Variants in GCN1 observed in about 807,000 individuals in gnomAD.
The protein encoded by GCN1 is stalled ribosome sensor GCN1.
Under a neutral mutation model 288.4 loss-of-function variants are expected in GCN1, and 90 were observed. The ratio of observed to expected loss-of-function variants is 0.31; its 90% CI spans 0.26 to 0.37. GCN1 has a LOEUF of 0.37. GCN1 is among the 10% of genes least tolerant of loss of function. The pLI is 1.00. For missense variants in GCN1, 2,586 were observed against 3,419.9 expected, an observed-to-expected ratio of 0.76 and a Z score of 6.08; for synonymous variants, 1,386 against 1,420.2, an observed-to-expected ratio of 0.98 and a Z score of 0.54.
chr12:120,132,093 G>C (rs1336188714), intron 53 of GCN1, 71 bp from the exon 54 acceptor site: 1 of 976,218 alleles, frequency 1.0e-6, no homozygotes, highest in East Asian at 2.6e-5. Flanking sequence ...AAGGCAGGCA[G>C]CTCTAGAGCC....
In GCN1 at chr12:120,138,037, G is replaced by A. The variant is rs765555193; in HGVS notation, c.6257C>T (p.Thr2086Met). The A allele has an allele frequency of 2.8e-5, 45 of 1,612,132 alleles. No individual in the cohort carries two copies. The highest frequency in any genetic ancestry group is 2.1e-4 in the African/African-American group (16 of 74,880). ...CAGCACCCGGGTGTTGACAGGTGGC[G>A]TTGTCAGCTGGTGGAATGACAAACA... Reference protein sequence around the residue: ...VLPYLVPKLTTPPVNTRVLAF... With the variant: ...VLPYLVPKLTMPPVNTRVLAF... The change falls in exon 48 of 58, where the codon ACG (threonine) becomes ATG (methionine). Residue 2086 changes from threonine to methionine, a missense_variant. Thr to Met is a moderately conservative substitution (Grantham distance 81, BLOSUM62 -1). Transcript: ENST00000300648.
intron 53 of GCN1, among the ~76,000 whole-genome samples, chr12:120,133,837 A>C (rs1876909398): frequency 6.6e-6 from 1 of 152,164 alleles, no homozygotes; most frequent in South Asian, 2.1e-4. Flanking sequence ...TCGGAGCCCG[A>C]GGCGGGTGGA....
intron 5 of GCN1, among the ~76,000 whole-genome samples, chr12:120,182,032 A>ATAAC (rs938533672): frequency 6.6e-6 from 1 of 151,064 alleles, no homozygotes; most frequent in African/African-American, 2.4e-5. Context: ...ATATAGTCCC[A>ATAAC]GTTATACTCA....
chr12:120,177,884 G>A (rs1288866192), intron 7 of GCN1, 132 bp from the exon 8 acceptor site: 1 of 725,464 alleles, frequency 1.4e-6, no homozygotes, highest in South Asian at 1.5e-5. Flanking sequence ...TAAGCATAGA[G>A]GTCCCACTGA....
chr12:120,137,347 G>T lies in GCN1; in HGVS notation c.6664-28C>A. 6.4e-7 allele frequency: 1 copy of T among 1,570,390 alleles called. No homozygotes were observed. ...GCAGGAATCCAGGAAAAAGCGAGAG[G>T]ATGTACAGCCCTCTCAAGACTGCTT... On this transcript the variant is annotated intron_variant, in intron 49 of 57. Transcript: ENST00000300648. This position sits in a 1 kb window ranked among gnomAD's most constrained non-coding sequence, Gnocchi z 5.2.
intron 2 of GCN1, among the ~76,000 whole-genome samples, chr12:120,187,068 G>A (rs1285346327): frequency 2.6e-5 from 4 of 152,140 alleles, no homozygotes; most frequent in Admixed American, 2.0e-4. Context: ...TCTCTGAGAC[G>A]CTCACAAATA....
intron 5 of GCN1, among the ~76,000 whole-genome samples, chr12:120,181,796 G>T (rs1367214823): frequency 1.5e-5 from 2 of 134,806 alleles, no homozygotes; most frequent in African/African-American, 5.8e-5. Context: ...CCGAGATCGC[G>T]CCATTGCACT....
intron 4 of GCN1, 83 bp downstream of exon 4, chr12:120,184,029 C>T (rs1335568862): frequency 1.3e-5 from 17 of 1,271,994 alleles, no homozygotes. Flanking sequence ...CTGGCTCCTC[C>T]CTCTGGTGCA....
chr12:120,158,067 G>C lies in GCN1; in HGVS notation c.2906-37C>G. 1 of 1,603,238 alleles carries C rather than the reference G, an allele frequency of 6.2e-7. No homozygotes were observed. Among genetic ancestry groups the C allele is most frequent in the Non-Finnish European group, 8.5e-7 (1 of 1,172,140 alleles). Reference sequence around the variant, plus strand: ...AGAAGCAGATAAGATTCTGCAGGCAGGGCAGGGACCCGGGCCACTGCTGCC... The same window carrying C: ...AGAAGCAGATAAGATTCTGCAGGCACGGCAGGGACCCGGGCCACTGCTGCC... On this transcript the variant is annotated intron_variant, in intron 25 of 57. Coordinates refer to ENST00000300648, the MANE Select transcript of GCN1 (RefSeq NM_006836.2). This position sits in a 1 kb window ranked among gnomAD's most constrained non-coding sequence, Gnocchi z 4.3.
Position 120,138,032 on chromosome 12 carries a change from G to A in GCN1, c.6262C>T (p.Pro2088Ser), listed in dbSNP as rs1877069784. Residue 2088 changes from proline to serine, a missense_variant, in exon 48 of 58, where the codon CCT becomes TCT. Physicochemically the swap from Pro to Ser is moderately conservative, Grantham distance 74 (BLOSUM62 -1). Coordinates refer to ENST00000300648, the MANE Select transcript of GCN1 (RefSeq NM_006836.2). ...AAAGCCAGCACCCGGGTGTTGACAGGTGGCGTTGTCAGCTGGTGGAATGAC... is the reference window on the plus strand; with the variant it reads ...AAAGCCAGCACCCGGGTGTTGACAGATGGCGTTGTCAGCTGGTGGAATGAC... ...PYLVPKLTTP[P>S]VNTRVLAFLS... 1 of 1,613,012 alleles carries A rather than the reference G, an allele frequency of 6.2e-7. No individual in the cohort carries two copies. Among genetic ancestry groups the A allele is most frequent in the Admixed American group, 1.7e-5 (1 of 59,858 alleles).
In GCN1 at chr12:120,190,394, C is replaced by T. The variant is rs1394103892; in HGVS notation, c.25G>A (p.Glu9Lys). The change falls in exon 2 of 58, where the codon GAG (glutamate) becomes AAG (lysine). Residue 9 changes from glutamate (E) to lysine (K), a missense_variant. Glu to Lys is a moderately conservative substitution (Grantham distance 56). Coordinates refer to ENST00000300648, the MANE Select transcript of GCN1 (RefSeq NM_006836.2). Reference sequence around the variant, plus strand: ...TTCCCTGCAAAACGCTTTAGTGTCTCGGAAACCTGTGAAGGCCAAGCAACA... The same window carrying T: ...TTCCCTGCAAAACGCTTTAGTGTCTTGGAAACCTGTGAAGGCCAAGCAACA... MAADTQVS[E>K]TLKRFAGKVT... 1.5e-5 allele frequency: 23 copies of T among 1,584,552 alleles called. 1 individual carries two copies. In the East Asian group the frequency reaches 4.2e-4, roughly 29 times the overall value.
chr12:120,156,674 G>A lies in GCN1; in HGVS notation c.3169-70C>T, dbSNP rs185281800. 3.3e-5 allele frequency: 50 copies of A among 1,500,400 alleles called. No homozygotes were observed. Among genetic ancestry groups the A allele is most frequent in the African/African-American group, 5.5e-5 (4 of 73,066 alleles). The allele number at this position is 1,500,400 out of a possible 1,614,324, so 92.9% of individuals were successfully genotyped here. A position where few individuals can be genotyped will look rare whatever the true frequency, so the allele number is the denominator to read the frequency against. The stretch of plus-strand genomic sequence containing the variant: ...CTACTAGGGGGCCAGAGAGGGATAT[G>A]CACTGAGAACACCCACCCCTACAGC... On this transcript the variant is annotated intron_variant, in intron 27 of 57. Transcript: ENST00000300648. This position sits in a 1 kb window ranked among gnomAD's most constrained non-coding sequence, Gnocchi z 5.8.
intron 15 of GCN1, 52 bp from the exon 16 acceptor site, chr12:120,168,352 G>T: frequency 9.3e-7 from 1 of 1,072,534 alleles, no homozygotes; most frequent in Non-Finnish European, 1.5e-6. Flanking sequence ...ATCCCCCAGA[G>T]CTGATCTACT....
Position 120,175,877 on chromosome 12 carries a change from G to GCA in GCN1, c.914-5_914-4dup. Reference sequence around the variant, plus strand: ...GGGACTGTTGGATTTCAGGTGACCTGCACACACAAAGCCACTGCTCAGAAG... The same window carrying GCA: ...GGGACTGTTGGATTTCAGGTGACCTGCACACACACAAAGCCACTGCTCAGAAG... On this transcript the variant is annotated splice_polypyrimidine_tract_variant and splice_region_variant and intron_variant, in intron 10 of 57. Transcript: ENST00000300648. 6.2e-7 allele frequency: 1 copy of GCA among 1,603,422 alleles called. No homozygotes were observed. Among genetic ancestry groups the GCA allele is most frequent in the South Asian group, 1.1e-5 (1 of 89,082 alleles).
At chr12:120,187,904 A>C (rs975958094) in intron 2 of GCN1, among the ~76,000 whole-genome samples, 2 of 151,606 alleles carry the variant, frequency 1.3e-5, no homozygotes, top group East Asian at 1.9e-4. Context: ...AAAAAAAACA[A>C]AAAACTAGAA....
At position 120,131,261 on chromosome 12, in the gene GCN1, GC is replaced by G. The variant is rs780325099; in HGVS notation, c.7486del (p.Ala2496LeufsTer17). On this transcript the variant is annotated frameshift_variant, in exon 55 of 58. Transcript: ENST00000300648. LOFTEE classifies it high-confidence loss of function. ...SLALSVAVNV[A>X]PGRLCAGRYS... ...TCTGCCGGCACAAAGTCTGCCAGGA[GC>G]CACATTCACAGCCACGGAAAGTGCC... 6.2e-7 allele frequency: 1 copy of G among 1,614,038 alleles called. No homozygotes were observed. The highest frequency in any genetic ancestry group is 8.5e-7 in the Non-Finnish European group (1 of 1,179,940).
rs1877040076 is a variant in GCN1, at chr12:120,137,332, A to G, written c.6664-13T>C. 1 of 1,604,780 alleles carries G rather than the reference A, an allele frequency of 6.2e-7. No individual in the cohort carries two copies. The highest frequency in any genetic ancestry group is 1.3e-5 in the African/African-American group (1 of 74,766). On this transcript the variant is annotated splice_polypyrimidine_tract_variant and intron_variant, in intron 49 of 57. Transcript: ENST00000300648. This position sits in a 1 kb window ranked among gnomAD's most constrained non-coding sequence, Gnocchi z 5.2. ...CAGCATCCAGCTTCTGCAGGAATCC[A>G]GGAAAAAGCGAGAGGATGTACAGCC...
rs1877041521 is a variant in GCN1, at chr12:120,137,355, G to A, written c.6664-36C>T. ...CCAGGAAAAAGCGAGAGGATGTACA[G>A]CCCTCTCAAGACTGCTTCCAAAGAA... On this transcript the variant is annotated intron_variant, in intron 49 of 57. Transcript: ENST00000300648. The surrounding 1 kb of genome is among the most constrained non-coding windows in gnomAD (Gnocchi z 5.2). 1.3e-6 allele frequency: 2 copies of A among 1,537,864 alleles called. No homozygotes were observed. Among genetic ancestry groups the A allele is most frequent in the South Asian group, 2.2e-5 (2 of 89,546 alleles).
chr12:120,141,105 G>A lies in GCN1; in HGVS notation c.5830-82C>T, dbSNP rs532331670. 43 of 1,183,056 alleles carry A rather than the reference G, an allele frequency of 3.6e-5. 1 individual carries two copies. The South Asian group carries it at 5.9e-4, about 16-fold the overall frequency. 73.3% of individuals were successfully genotyped at this position (1,183,056 alleles called of 1,614,324 possible). ...AGGAGGACTCCAGAATGAGGGCCCTGAAACCTCCCAGGCTTTATCTGAATC... is the reference window on the plus strand; with the variant it reads ...AGGAGGACTCCAGAATGAGGGCCCTAAAACCTCCCAGGCTTTATCTGAATC... On this transcript the variant is annotated intron_variant, in intron 44 of 57. Transcript: ENST00000300648.
Sources: allele counts gnomAD v4.1 joint callset (sites outside exome capture counted in the v4.1 genomes callset), GRCh38; gene constraint gnomAD v4.1.1; non-coding constraint Gnocchi (gnomAD v3.1); transcripts MANE v1.5; gene names NCBI Gene and HGNC (gene_info 2026-07-23, HGNC 2026-07-21).